The following TNRC18 variants were observed in gnomAD, a reference collection of about 807,000 sequenced individuals.
TNRC18 encodes the protein trinucleotide repeat containing 18, also known as trinucleotide repeat-containing gene 18 protein.
A neutral mutation model predicts 226.7 loss-of-function variants in TNRC18; 69 were observed. The ratio of observed to expected loss-of-function variants is 0.30; its 90% CI spans 0.25 to 0.37. The LOEUF (loss-of-function observed/expected upper bound fraction) is 0.37, where lower values mean the gene tolerates loss of function less well. Among genes scored for constraint, TNRC18 ranks in the 10% least tolerant of loss-of-function variants. TNRC18 has a pLI of 1.00. For missense variants in TNRC18, 4,754 were observed against 4,256.6 expected, an observed-to-expected ratio of 1.12 and a Z score of -3.25; for synonymous variants, 2,449 against 1,927.6, an observed-to-expected ratio of 1.27 and a Z score of -7.09.
chr7:5,376,644 A>T (rs759058313), intron 8 of TNRC18, among the ~76,000 whole-genome samples: 5 of 151,968 alleles, frequency 3.3e-5, no homozygotes, highest in Non-Finnish European at 7.4e-5. Flanking sequence ...CTCTTTATGG[A>T]GTTTTTGGGC....
intron 2 of TNRC18, among the ~76,000 whole-genome samples, chr7:5,413,355 A>G (rs934151726): frequency 1.3e-5 from 2 of 151,848 alleles, no homozygotes; most frequent in African/African-American, 4.8e-5. Flanking sequence ...CACCCAAGCC[A>G]TTGAGTTCTC....
Position 5,371,023 on chromosome 7 carries a change from TG to T in TNRC18, c.3570del (p.Ser1191AlafsTer16). The T allele has an allele frequency of 6.2e-7, 1 of 1,609,136 alleles. No homozygotes were observed. Reference sequence around the variant, plus strand: ...CCACCTCCACAACCCCCTGCAGGGCTGGGGGTAGCCATGGCTTCCGCGGCGG... The same window carrying T: ...CCACCTCCACAACCCCCTGCAGGGCTGGGGTAGCCATGGCTTCCGCGGCGG... ...PLPAAEAMAT[P>X]SPAGGCGGGL... On this transcript the variant is annotated frameshift_variant, in exon 11 of 30. Coordinates refer to ENST00000430969, the MANE Select transcript of TNRC18 (RefSeq NM_001080495.3). LOFTEE classifies it high-confidence loss of function.
At chr7:5,420,601 G>C (rs1057249128) in intron 2 of TNRC18, 4 of 455,544 alleles carry the variant, frequency 8.8e-6, no homozygotes, top group African/African-American at 8.0e-5. Context: ...GACCCGGCTC[G>C]GCGCGAGTGG....
Position 5,332,666 on chromosome 7 carries a change from G to A in TNRC18, c.6103C>T (p.Arg2035Cys), listed in dbSNP as rs1172823989. Reference protein sequence around the residue: ...RCAKGGPLSPRKDAGRAKDRK... With the variant: ...RCAKGGPLSPCKDAGRAKDRK... ...TCCTTTGCACGCCCGGCGTCCTTGC[G>A]CGGGCTCAGGGGGCCGCCCTTGGCG... is the stretch of plus-strand genomic sequence containing the variant. Residue 2035 changes from arginine to cysteine, a missense_variant, in exon 19 of 30, where the codon CGC (arginine) becomes TGC (cysteine). Coordinates refer to ENST00000430969, the MANE Select transcript of TNRC18 (RefSeq NM_001080495.3). 4 of 1,530,632 alleles carry A rather than the reference G, an allele frequency of 2.6e-6. No individual in the cohort carries two copies. Among genetic ancestry groups the A allele is most frequent in the South Asian group, 1.2e-5 (1 of 82,354 alleles). The allele number at this position is 1,530,632 out of a possible 1,614,324, so 94.8% of individuals were successfully genotyped here. A position where few individuals can be genotyped will look rare whatever the true frequency, so the allele number is the denominator to read the frequency against.
At chr7:5,385,877 G>A (rs1401643350) in intron 5 of TNRC18, among the ~76,000 whole-genome samples, 1 of 148,830 alleles carries the variant, frequency 6.7e-6, no homozygotes, top group East Asian at 2.0e-4. Context: ...CAGCTACTCA[G>A]AAGACTGAGG....
intron 17 of TNRC18, among the ~76,000 whole-genome samples, chr7:5,351,531 G>C (rs777110085): frequency 6.6e-6 from 1 of 152,168 alleles, no homozygotes. Context: ...AGGAGGGCAA[G>C]TGGAGAGAAA....
chr7:5,342,428 CAAAAA>C (rs557401325), intron 18 of TNRC18, among the ~76,000 whole-genome samples: 1 of 86,486 alleles, frequency 1.2e-5, no homozygotes, highest in Non-Finnish European at 2.4e-5. Flanking sequence ...GACTCAGTCT[CAAAAA>C]AAAAAAAAAA....
At chr7:5,342,706 G>T (rs997077834) in intron 18 of TNRC18, among the ~76,000 whole-genome samples, 2 of 152,192 alleles carry the variant, frequency 1.3e-5, no homozygotes, top group African/African-American at 2.4e-5. Flanking sequence ...AATGACAAAG[G>T]ATTTAGAATA....
intron 5 of TNRC18, among the ~76,000 whole-genome samples, chr7:5,378,456 T>C (rs1321418747): frequency 6.6e-6 from 1 of 151,638 alleles, no homozygotes; most frequent in Admixed American, 6.6e-5. Flanking sequence ...TCTCGCTCTG[T>C]CGCCCAGGCT....
intron 11 of TNRC18, among the ~76,000 whole-genome samples, chr7:5,367,647 C>T (rs915338705): frequency 2.0e-5 from 3 of 151,676 alleles, no homozygotes; most frequent in African/African-American, 4.8e-5. Flanking sequence ...AGGCTGGTCT[C>T]GAACTCCTGA....
Position 5,324,565 on chromosome 7 carries a change from G to A in TNRC18, c.6301-210C>T, listed in dbSNP as rs1374545809. ...AGCTGGCCCATGCTCAGTACTCGGT[G>A]CTCAATACTCAGTACTCTGTGCTCA... On this transcript the variant is annotated intron_variant, in intron 20 of 29. Transcript: ENST00000430969. This position sits in a 1 kb window ranked among gnomAD's most constrained non-coding sequence, Gnocchi z 4.8. 1.3e-5 allele frequency among the ~76,000 whole-genome samples: 2 copies of A among 152,172 alleles called. No homozygotes were observed. The highest frequency in any genetic ancestry group is 4.8e-5 in the African/African-American group (2 of 41,448).
chr7:5,386,574 CAA>C (rs113287458), intron 5 of TNRC18, among the ~76,000 whole-genome samples: 14 of 132,954 alleles, frequency 1.1e-4, no homozygotes, highest in Admixed American at 1.5e-4. Flanking sequence ...ACTCTGTCTC[CAA>C]AAAAAAAAAA....
intron 14 of TNRC18, among the ~76,000 whole-genome samples, chr7:5,361,191 A>G (rs1223368485): frequency 1.3e-5 from 2 of 152,148 alleles, no homozygotes; most frequent in Non-Finnish European, 2.9e-5. Flanking sequence ...GCAAGCCAGC[A>G]GGTCCGGCAC....
intron 24 of TNRC18, among the ~76,000 whole-genome samples, chr7:5,318,097 C>T (rs1007780139): frequency 1.3e-5 from 2 of 152,130 alleles, no homozygotes; most frequent in Non-Finnish European, 2.9e-5. Context: ...GTCTCAAACT[C>T]CTGACCTCAG....
At chr7:5,391,272 A>G (rs1584040629) in intron 3 of TNRC18, among the ~76,000 whole-genome samples, 1 of 151,642 alleles carries the variant, frequency 6.6e-6, no homozygotes, top group Non-Finnish European at 1.5e-5. Context: ...CTCACCAGCA[A>G]TGCCCAGCAC....
Position 5,359,336 on chromosome 7 carries a change from T to C in TNRC18, c.4833+62A>G, listed in dbSNP as rs924409563. 3 of 1,578,640 alleles carry C rather than the reference T, an allele frequency of 1.9e-6. No homozygotes were observed. In the Admixed American group the frequency reaches 5.0e-5, roughly 27 times the overall value. ...GGCCTGCGAAGGGAGCGTGAACTCTTAACACACCCTCCAGACACCTCCCTG... is the reference window on the plus strand; with the variant it reads ...GGCCTGCGAAGGGAGCGTGAACTCTCAACACACCCTCCAGACACCTCCCTG... On this transcript the variant is annotated intron_variant, in intron 15 of 29. Transcript: ENST00000430969.
intron 16 of TNRC18, among the ~76,000 whole-genome samples, 185 bp downstream of exon 16, chr7:5,356,731 G>A (rs545674621): frequency 6.6e-6 from 1 of 151,198 alleles, no homozygotes; most frequent in African/African-American, 2.4e-5. Flanking sequence ...ATCCGCTTCA[G>A]GCGGCCTCCC....
intron 5 of TNRC18, among the ~76,000 whole-genome samples, chr7:5,379,382 C>G (rs1453481836): frequency 4.0e-5 from 6 of 149,636 alleles, no homozygotes; most frequent in East Asian, 1.9e-4. Context: ...GGTGACAGAG[C>G]GAGACCCAGA....
At chr7:5,310,387 G>A (rs1443110139) in intron 27 of TNRC18, among the ~76,000 whole-genome samples, 2 of 151,904 alleles carry the variant, frequency 1.3e-5, no homozygotes, top group East Asian at 1.9e-4. Context: ...GCACCACCAC[G>A]CCTGGCTAAT....
Sources: allele counts gnomAD v4.1 joint callset (sites outside exome capture counted in the v4.1 genomes callset), GRCh38; gene constraint gnomAD v4.1.1; non-coding constraint Gnocchi (gnomAD v3.1); transcripts MANE v1.5; gene names NCBI Gene and HGNC (gene_info 2026-07-23, HGNC 2026-07-21).